ILDR1: variants seen among roughly 807,000 people sequenced by gnomAD.
ILDR1 encodes the protein immunoglobulin like domain containing receptor 1.
ILDR1 carries 56 observed loss-of-function variants against 62.4 expected under a neutral mutation model. That is an observed-to-expected ratio of 0.90 (90% CI 0.72 to 1.12). ILDR1 has a LOEUF of 1.12. Among genes scored for constraint, ILDR1 ranks in the 50% most tolerant of loss-of-function variants. The pLI is 0.00. For synonymous variants in ILDR1, 284 were observed against 277.8 expected (o/e 1.02, Z -0.22); for missense variants, 736 against 710.6 (o/e 1.04, Z -0.41).
At chr3:122,045,330 A>C in the ILDR1 span, among the ~76,000 whole-genome samples, 2 of 150,134 alleles carry the variant, frequency 1.3e-5, no homozygotes, top group Non-Finnish European at 3.0e-5. Flanking sequence ...GGAGAGCTTT[A>C]CTTCCAACTA....
intron 7 of ILDR1, among the ~76,000 whole-genome samples, chr3:121,991,419 G>C (rs2071344536): frequency 6.6e-6 from 1 of 152,194 alleles, no homozygotes; most frequent in Admixed American, 6.5e-5. Flanking sequence ...ATAATGAAGA[G>C]ACCTGGTTTA....
chr3:121,988,302 C>T lies in ILDR1; in HGVS notation c.*65G>A. On this transcript the variant is annotated 3_prime_UTR_variant, in exon 8 of 8. Transcript: ENST00000344209. ...TGCAGTTCCCAAGTCAGCTGGAAACCTAGGTGATGCTGATGACACACAGGA... is the reference window on the plus strand; with the variant it reads ...TGCAGTTCCCAAGTCAGCTGGAAACTTAGGTGATGCTGATGACACACAGGA... The T allele has an allele frequency of 7.3e-7, 1 of 1,369,410 alleles. No homozygotes were observed. The highest frequency in any genetic ancestry group is 1.0e-6 in the Non-Finnish European group (1 of 957,012). 84.8% of individuals were successfully genotyped at this position (1,369,410 alleles called of 1,614,324 possible).
intron 1 of ILDR1, among the ~76,000 whole-genome samples, chr3:122,011,639 CT>C (rs992942669): frequency 6.5e-5 from 7 of 108,360 alleles, no homozygotes; most frequent in African/African-American, 2.5e-4. Flanking sequence ...CGTCCACCCC[CT>C]GCCCTGTCTC....
the ILDR1 span, among the ~76,000 whole-genome samples, chr3:122,056,881 G>C: frequency 6.6e-6 from 1 of 152,130 alleles, no homozygotes; most frequent in East Asian, 1.9e-4. Flanking sequence ...TGCTAGCACT[G>C]TCTGCAGAGG....
At position 122,001,295 on chromosome 3, in the gene ILDR1, TGTCCCCTCTCACCTTCCTCA is replaced by T; in HGVS notation, c.639_646+12del. On this transcript the variant is annotated splice_donor_variant and splice_donor_5th_base_variant and coding_sequence_variant and intron_variant, in exon 5 of 8. Coordinates refer to ENST00000344209, the MANE Select transcript of ILDR1 (RefSeq NM_001199799.2). LOFTEE classifies it high-confidence loss of function. ...AATCCACTCCATTCCACTGCTTGTCTGTCCCCTCTCACCTTCCTCAGGACAGCAGCAGTGGGCAGGACAGC... is the reference window on the plus strand; with the variant it reads ...AATCCACTCCATTCCACTGCTTGTCTGGACAGCAGCAGTGGGCAGGACAGC... 1 of 1,614,164 alleles carries T rather than the reference TGTCCCCTCTCACCTTCCTCA, an allele frequency of 6.2e-7. No individual in the cohort carries two copies. Among genetic ancestry groups the T allele is most frequent in the African/African-American group, 1.3e-5 (1 of 75,056 alleles).
At chr3:122,057,448 T>C in the ILDR1 span, among the ~76,000 whole-genome samples, 841 of 152,318 alleles carry the variant, frequency 5.5e-3, 7 homozygotes, top group African/African-American at 0.019. Context: ...ATAATGTGTT[T>C]AGTTAAAGGG....
chr3:122,046,976 T>C, the ILDR1 span, among the ~76,000 whole-genome samples: 1 of 144,602 alleles, frequency 6.9e-6, no homozygotes, highest in African/African-American at 2.6e-5. Context: ...CTGCGTTCCT[T>C]TGGAGGAGGA....
Position 122,022,066 on chromosome 3 carries a change from G to C in ILDR1, c.12C>G (p.Pro4=), listed in dbSNP as rs369400454. MAW[P]KLPAPWLLLC... Reference sequence around the variant, plus strand: ...GCAGCAGCCAAGGTGCGGGCAGTTTGGGCCATGCCATGCCGCCCCCTTTCT... The same window carrying C: ...GCAGCAGCCAAGGTGCGGGCAGTTTCGGCCATGCCATGCCGCCCCCTTTCT... The change falls in exon 1 of 8, where the codon CCC becomes CCG. Residue 4 remains proline, a synonymous_variant. Coordinates refer to ENST00000344209, the MANE Select transcript of ILDR1 (RefSeq NM_001199799.2). 4.2e-5 allele frequency: 67 copies of C among 1,609,806 alleles called. No homozygotes were observed. Among genetic ancestry groups the C allele is most frequent in the Non-Finnish European group, 5.6e-5 (66 of 1,178,194 alleles).
chr3:122,007,377 G>A, intron 1 of ILDR1: 1 of 943,434 alleles, frequency 1.1e-6, no homozygotes, highest in Non-Finnish European at 1.6e-6. Context: ...GAAGAAAGGA[G>A]TGAGGAAAAC....
At chr3:122,036,262 A>G in the ILDR1 span, among the ~76,000 whole-genome samples, 1 of 152,324 alleles carries the variant, frequency 6.6e-6, no homozygotes, top group Non-Finnish European at 1.5e-5. Flanking sequence ...ATGCATGAAT[A>G]AAGAGATTAT....
chr3:122,054,640 G>A, the ILDR1 span, among the ~76,000 whole-genome samples: 1 of 152,056 alleles, frequency 6.6e-6, no homozygotes, highest in Non-Finnish European at 1.5e-5. Flanking sequence ...TTGTCTGGAT[G>A]AGAATCGATT....
the ILDR1 span, among the ~76,000 whole-genome samples, chr3:122,040,515 G>A: frequency 0.028 from 4,214 of 151,846 alleles, 95 homozygotes; most frequent in Non-Finnish European, 0.046. Flanking sequence ...TTGGAGGACT[G>A]ATACACCTAA....
chr3:122,009,195 T>TA (rs1353644262), intron 1 of ILDR1, among the ~76,000 whole-genome samples: 1 of 152,010 alleles, frequency 6.6e-6, no homozygotes, highest in Admixed American at 6.6e-5. Flanking sequence ...CCTCCCAAAG[T>TA]GCTGGGGTTA....
intron 2 of ILDR1, 152 bp downstream of exon 2, chr3:122,006,839 T>C: frequency 1.3e-6 from 1 of 770,184 alleles, no homozygotes; most frequent in Non-Finnish European, 2.1e-6. Context: ...TCCGTTTGTT[T>C]ATCTATAAAA....
chr3:122,023,607 C>A (rs34523061), upstream of ILDR1, among the ~76,000 whole-genome samples: 9 of 152,078 alleles, frequency 5.9e-5, no homozygotes, highest in African/African-American at 1.7e-4. Context: ...AGATCTGATG[C>A]GGGATCTTAA....
At chr3:122,049,223 A>T in the ILDR1 span, among the ~76,000 whole-genome samples, 1 of 151,950 alleles carries the variant, frequency 6.6e-6, no homozygotes, top group Non-Finnish European at 1.5e-5. Context: ...GTTTCATTCC[A>T]TTGTGATTGG....
the ILDR1 span, among the ~76,000 whole-genome samples, chr3:122,032,840 T>C: frequency 1.3e-5 from 2 of 152,208 alleles, no homozygotes; most frequent in African/African-American, 2.4e-5. Context: ...GAGTGAGCCA[T>C]CTTAAAAAGG....
At chr3:122,043,030 A>C in the ILDR1 span, among the ~76,000 whole-genome samples, 3 of 146,216 alleles carry the variant, frequency 2.1e-5, no homozygotes, top group Non-Finnish European at 4.5e-5. Flanking sequence ...GTTTTCTTCT[A>C]GGGTTTTTAT....
intron 7 of ILDR1, among the ~76,000 whole-genome samples, chr3:121,992,340 G>A (rs548389440): frequency 1.5e-4 from 23 of 152,198 alleles, no homozygotes; most frequent in Admixed American, 4.6e-4. Flanking sequence ...GTTTCACCAT[G>A]TTGGCCAGGC....
Sources: gnomAD v4.1 joint callset for allele counts (sites outside exome capture counted in the v4.1 genomes callset) on GRCh38, gnomAD v4.1.1 for gene constraint, MANE v1.5 for transcripts, NCBI Gene and HGNC (gene_info 2026-07-23, HGNC 2026-07-21) for gene names.